The following CCDC91 variants were observed in gnomAD, a reference collection of about 807,000 sequenced individuals.
CCDC91 encodes the protein coiled-coil domain-containing protein 91.
CCDC91 carries 48 observed loss-of-function variants against 63.2 expected under a neutral mutation model. That is an observed-to-expected ratio of 0.76 (90% confidence interval 0.60 to 0.97). The LOEUF is 0.97. Ranked by LOEUF, CCDC91 falls within the 50% of genes least tolerant of loss-of-function variation. CCDC91 has a pLI of 0.00. For missense variants in CCDC91, 500 were observed against 494.6 expected (o/e 1.01, Z -0.10); for synonymous variants, 167 against 165.8 (o/e 1.01, Z -0.06).
rs190164436 is a variant in CCDC91 at position 28,265,281 on chromosome 12, A to C, written c.109+5839A>C. Among the ~76,000 whole-genome samples, 356 of 152,186 alleles carry C rather than the reference A, an allele frequency of 2.3e-3. 2 individuals are homozygous for C. The highest frequency in any genetic ancestry group is 8.1e-3 in the African/African-American group (337 of 41,556). On this transcript the variant is annotated intron_variant, in intron 3 of 12. Coordinates refer to ENST00000536442, the MANE Select transcript of CCDC91 (RefSeq NM_018318.5). ...GCATTGACCATCAAAGGGAAAAACA[A>C]GCTATCCAGATAGATACTTTAATCC... is the stretch of plus-strand genomic sequence containing the variant.
chr12:28,423,701 A>T (rs149656725), intron 8 of CCDC91, among the ~76,000 whole-genome samples: 1 of 152,274 alleles, frequency 6.6e-6, no homozygotes, highest in African/African-American at 2.4e-5. Context: ...GATTTGGAGG[A>T]GCCAAACTCA....
intron 12 of CCDC91, among the ~76,000 whole-genome samples, chr12:28,548,583 T>C (rs1488210150): frequency 1.3e-5 from 2 of 152,156 alleles, no homozygotes; most frequent in African/African-American, 4.8e-5. Context: ...AAATGTTTTT[T>C]AAAGCATACT....
At chr12:28,331,165 C>G (rs1411918611) in intron 6 of CCDC91, among the ~76,000 whole-genome samples, 2 of 152,056 alleles carry the variant, frequency 1.3e-5, no homozygotes, top group Non-Finnish European at 2.9e-5. Flanking sequence ...CATTGATTTC[C>G]TTTTATATTT....
intron 12 of CCDC91, among the ~76,000 whole-genome samples, chr12:28,526,017 A>G (rs1941226007): frequency 6.6e-6 from 1 of 152,004 alleles, no homozygotes; most frequent in Admixed American, 6.6e-5. Flanking sequence ...AAGGCAGCAG[A>G]TATTTAGTTG....
chr12:28,294,827 C>T (rs1243924847), intron 3 of CCDC91, among the ~76,000 whole-genome samples: 2 of 152,124 alleles, frequency 1.3e-5, no homozygotes, highest in Non-Finnish European at 2.9e-5. Context: ...TCAGGTGATC[C>T]ACCTGCTTCA....
chr12:28,306,624 C>T (rs1300971211), intron 4 of CCDC91, 118 bp from the exon 5 acceptor site: 11 of 637,594 alleles, frequency 1.7e-5, no homozygotes, highest in East Asian at 1.7e-4. Flanking sequence ...GAAATAATTT[C>T]GGAACCTTTT....
intron 1 of CCDC91, among the ~76,000 whole-genome samples, chr12:28,243,342 G>A (rs113469477): frequency 2.6e-4 from 40 of 152,250 alleles, no homozygotes; most frequent in Non-Finnish European, 5.4e-4. Flanking sequence ...GCAGACAACT[G>A]GAAACTGTGT....
chr12:28,420,838 A>G (rs899891141), intron 8 of CCDC91, among the ~76,000 whole-genome samples: 1 of 151,950 alleles, frequency 6.6e-6, no homozygotes, highest in African/African-American at 2.4e-5. Flanking sequence ...AATATCTGAC[A>G]TTTAGAATCC....
chr12:28,241,743 T>C (rs1945351116), intron 1 of CCDC91, among the ~76,000 whole-genome samples: 1 of 152,036 alleles, frequency 6.6e-6, no homozygotes, highest in East Asian at 1.9e-4. Flanking sequence ...ACACCTGTAA[T>C]CCCAGCACTT....
chr12:28,269,570 T>C (rs1436638740), intron 3 of CCDC91, among the ~76,000 whole-genome samples: 5 of 152,052 alleles, frequency 3.3e-5, no homozygotes, highest in Admixed American at 3.3e-4. Context: ...CACCCATGAC[T>C]CCATTATTTT....
At chr12:28,542,253 A>G (rs1241900344) in intron 12 of CCDC91, among the ~76,000 whole-genome samples, 1 of 152,092 alleles carries the variant, frequency 6.6e-6, no homozygotes, top group African/African-American at 2.4e-5. Flanking sequence ...GACTCAAAAC[A>G]GAGAATTTAC....
At chr12:28,393,739 T>C (rs534156408) in intron 8 of CCDC91, among the ~76,000 whole-genome samples, 17 of 152,354 alleles carry the variant, frequency 1.1e-4, no homozygotes, top group Non-Finnish European at 2.5e-4. Context: ...AGTCTTCAGA[T>C]TTCTGTACTT....
intron 8 of CCDC91, among the ~76,000 whole-genome samples, chr12:28,418,175 C>T (rs1947794077): frequency 1.3e-5 from 2 of 152,068 alleles, no homozygotes; most frequent in African/African-American, 4.8e-5. Flanking sequence ...TGCATTCTCA[C>T]AAGCAATGTA....
chr12:28,351,279 A>G (rs1208795221), intron 6 of CCDC91, among the ~76,000 whole-genome samples: 3 of 152,206 alleles, frequency 2.0e-5, no homozygotes, highest in Non-Finnish European at 4.4e-5. Flanking sequence ...TCAGAATACA[A>G]TGGTGGTACA....
intron 1 of CCDC91, among the ~76,000 whole-genome samples, chr12:28,251,460 G>A (rs1263650261): frequency 1.3e-5 from 2 of 151,916 alleles, no homozygotes; most frequent in African/African-American, 4.8e-5. Flanking sequence ...GTCTTTTATG[G>A]TTAGTTTTGT....
At chr12:28,300,057 G>A (rs1055328406) in intron 3 of CCDC91, among the ~76,000 whole-genome samples, 14 of 151,146 alleles carry the variant, frequency 9.3e-5, no homozygotes, top group Non-Finnish European at 1.8e-4. Flanking sequence ...CAGAAAAAAC[G>A]TTTAATATAT....
At chr12:28,284,759 T>C (rs1948812395) in intron 3 of CCDC91, among the ~76,000 whole-genome samples, 1 of 152,188 alleles carries the variant, frequency 6.6e-6, no homozygotes. Flanking sequence ...TATGTTGGGA[T>C]GAAAGTAGCA....
In CCDC91 at chr12:28,346,566, T is replaced by C. The variant is rs961920543; in HGVS notation, c.577-15872T>C. On this transcript the variant is annotated intron_variant, in intron 6 of 12. Coordinates refer to ENST00000536442, the MANE Select transcript of CCDC91 (RefSeq NM_018318.5). ...TTATGGGAAATTTATTGAATTCGTT[T>C]TTTGCTTTTTTATTTTTTTATATTT... 2.6e-5 allele frequency among the ~76,000 whole-genome samples: 4 copies of C among 152,198 alleles called. 1 individual carries two copies. The highest frequency in any genetic ancestry group is 9.7e-5 in the African/African-American group (4 of 41,446).
intron 7 of CCDC91, among the ~76,000 whole-genome samples, chr12:28,382,973 G>T (rs1945384682): frequency 6.6e-6 from 1 of 152,038 alleles, no homozygotes; most frequent in Non-Finnish European, 1.5e-5. Flanking sequence ...CTTTCAAAAG[G>T]TTAAAGTATC....
Sources: allele counts gnomAD v4.1 joint callset (sites outside exome capture counted in the v4.1 genomes callset), GRCh38; gene constraint gnomAD v4.1.1; transcripts MANE v1.5; gene names NCBI Gene and HGNC (gene_info 2026-07-23, HGNC 2026-07-21).